Variants in ACOXL observed in about 807,000 individuals in gnomAD.
ACOXL encodes acyl-CoA oxidase like.
ACOXL carries 70 observed loss-of-function variants against 71.9 expected under a neutral mutation model. That is an observed-to-expected ratio of 0.97 (90% confidence interval 0.80 to 1.19). ACOXL has a LOEUF of 1.19. ACOXL is among the 50% of genes most tolerant of loss of function. ACOXL has a pLI of 0.00. For missense variants in ACOXL, 703 were observed against 736.3 expected (o/e 0.95, Z 0.52); for synonymous variants, 253 against 281.6 (o/e 0.90, Z 1.02).
At chr2:110,783,798 A>G (rs938988711) in intron 2 of ACOXL, among the ~76,000 whole-genome samples, 3 of 152,204 alleles carry the variant, frequency 2.0e-5, no homozygotes, top group South Asian at 2.1e-4. Context: ...AAACAAGGAC[A>G]ACTAGCACTG....
At chr2:110,799,819 G>A (rs1242380052) in intron 7 of ACOXL, among the ~76,000 whole-genome samples, 1 of 152,080 alleles carries the variant, frequency 6.6e-6, no homozygotes, top group Non-Finnish European at 1.5e-5. Context: ...CTGTAAAAAT[G>A]CACCAATCAG....
intron 16 of ACOXL, among the ~76,000 whole-genome samples, chr2:111,064,454 A>AAAC (rs1209538280): frequency 1.3e-5 from 2 of 151,762 alleles, no homozygotes. Context: ...AACAAAAAAA[A>AAAC]AACAACAACT....
At chr2:110,803,858 T>C (rs913479680) in intron 8 of ACOXL, among the ~76,000 whole-genome samples, 3 of 152,118 alleles carry the variant, frequency 2.0e-5, no homozygotes, top group African/African-American at 4.8e-5. Context: ...AGCAAAAATC[T>C]GAATAGACAT....
chr2:110,792,539 C>T (rs1389366572), intron 3 of ACOXL, among the ~76,000 whole-genome samples: 2 of 152,126 alleles, frequency 1.3e-5, no homozygotes, highest in Non-Finnish European at 2.9e-5. Context: ...CCTGTAATCC[C>T]AGCACTTCAG....
At position 110,796,706 on chromosome 2, in the gene ACOXL, G is replaced by A. The variant is rs539285002; in HGVS notation, c.346-1904G>A. ...TTCTCTGCACTCAGCCTCAAGCAAT[G>A]CCTCTCCTTGAGAAGCCCTGGCTAC... On this transcript the variant is annotated intron_variant, in intron 5 of 17. Transcript: ENST00000439055. Among the ~76,000 whole-genome samples the A allele has an allele frequency of 5.3e-5, 8 of 152,306 alleles. No individual in the cohort carries two copies. The East Asian group carries it at 1.5e-3, about 29-fold the overall frequency.
chr2:110,890,946 T>C (rs534244006), intron 10 of ACOXL, among the ~76,000 whole-genome samples: 37 of 152,188 alleles, frequency 2.4e-4, no homozygotes, highest in Non-Finnish European at 4.7e-4. Flanking sequence ...ATTTAGACCT[T>C]CTTTAATTTC....
intron 1 of ACOXL, among the ~76,000 whole-genome samples, chr2:110,760,894 C>T (rs2104905619): frequency 6.6e-6 from 1 of 152,224 alleles, no homozygotes; most frequent in Middle Eastern, 3.4e-3. Context: ...CAAAGAATGT[C>T]CCATTGGCTA....
intron 1 of ACOXL, among the ~76,000 whole-genome samples, chr2:110,764,799 C>A (rs1410689424): frequency 6.6e-6 from 1 of 152,128 alleles, no homozygotes. Flanking sequence ...TGCAGTGGGC[C>A]TAAAACTGCT....
chr2:111,073,677 T>C (rs2067452766), intron 16 of ACOXL, among the ~76,000 whole-genome samples: 1 of 152,214 alleles, frequency 6.6e-6, no homozygotes, highest in African/African-American at 2.4e-5. Context: ...TACTAAGCCT[T>C]AAAATCAAAT....
intron 12 of ACOXL, among the ~76,000 whole-genome samples, chr2:110,961,540 A>G (rs1574293544): frequency 6.6e-6 from 1 of 152,326 alleles, no homozygotes; most frequent in Middle Eastern, 3.4e-3. Context: ...TCCACCGGAA[A>G]AGAGGAGAGC....
chr2:110,841,325 T>C, intron 9 of ACOXL, 46 bp from the exon 10 acceptor site: 2 of 1,468,618 alleles, frequency 1.4e-6, no homozygotes, highest in Non-Finnish European at 1.9e-6. Context: ...GAATTCTGCA[T>C]ACTCTTGATA....
chr2:110,958,358 A>G (rs2061579416), intron 12 of ACOXL, among the ~76,000 whole-genome samples: 1 of 152,232 alleles, frequency 6.6e-6, no homozygotes, highest in South Asian at 2.1e-4. Context: ...AGGCTGGCCC[A>G]GCACGCAGGC....
At chr2:111,104,327 G>A (rs1026479396) in intron 17 of ACOXL, among the ~76,000 whole-genome samples, 1 of 152,150 alleles carries the variant, frequency 6.6e-6, no homozygotes, top group Non-Finnish European at 1.5e-5. Flanking sequence ...GTGAATATAG[G>A]TTTTAATTTC....
chr2:110,947,747 G>A (rs2061161868), intron 12 of ACOXL, among the ~76,000 whole-genome samples: 2 of 152,200 alleles, frequency 1.3e-5, no homozygotes, highest in African/African-American at 4.8e-5. Flanking sequence ...GGGTCTACAG[G>A]TCTGGGACCA....
intron 14 of ACOXL, among the ~76,000 whole-genome samples, chr2:111,012,223 A>G (rs188607618): frequency 2.0e-5 from 3 of 152,356 alleles, no homozygotes; most frequent in African/African-American, 7.2e-5. Context: ...CATTTTTCCA[A>G]CAGCATATGC....
chr2:111,096,992 T>C (rs1157374834), intron 17 of ACOXL, among the ~76,000 whole-genome samples: 1 of 152,150 alleles, frequency 6.6e-6, no homozygotes, highest in Non-Finnish European at 1.5e-5. Context: ...CTGACCCTGA[T>C]TTTTTACTAT....
At chr2:110,855,859 G>A (rs1329994611) in intron 10 of ACOXL, among the ~76,000 whole-genome samples, 2 of 152,168 alleles carry the variant, frequency 1.3e-5, no homozygotes, top group Non-Finnish European at 2.9e-5. Flanking sequence ...AAGGTTTATT[G>A]TGAAGAGCAA....
intron 12 of ACOXL, among the ~76,000 whole-genome samples, chr2:110,983,308 A>G (rs935535984): frequency 4.6e-5 from 7 of 152,228 alleles, no homozygotes; most frequent in African/African-American, 1.7e-4. Flanking sequence ...CCTTAGAAAT[A>G]ACTTTTATTG....
At chr2:110,920,038 G>A (rs1258527452) in intron 11 of ACOXL, among the ~76,000 whole-genome samples, 3 of 152,154 alleles carry the variant, frequency 2.0e-5, no homozygotes, top group Non-Finnish European at 2.9e-5. Context: ...TTCTCAACAA[G>A]TTTTTGTGTG....
Sources: gnomAD v4.1 joint callset for allele counts (sites outside exome capture counted in the v4.1 genomes callset) on GRCh38, gnomAD v4.1.1 for gene constraint, MANE v1.5 for transcripts, NCBI Gene and HGNC (gene_info 2026-07-23, HGNC 2026-07-21) for gene names.